Variants in DLGAP2 observed in about 807,000 individuals in gnomAD.
DLGAP2 encodes DLG associated protein 2.
In DLGAP2, 26 loss-of-function variants were observed where a neutral mutation model predicts 100.3. The observed-to-expected ratio is 0.26, with a 90% CI of 0.19 to 0.36. The LOEUF (loss-of-function observed/expected upper bound fraction) is 0.36, where lower values mean the gene tolerates loss of function less well. Among genes scored for constraint, DLGAP2 ranks in the 10% least tolerant of loss-of-function variants. The probability of loss-of-function intolerance (pLI) is 1.00; values close to 1 mark genes in which losing one functional copy is unlikely to be tolerated. For synonymous variants in DLGAP2, 886 were observed against 630.1 expected, an observed-to-expected ratio of 1.41 and a Z score of -6.08; for missense variants, 1,858 against 1,453.2, an observed-to-expected ratio of 1.28 and a Z score of -4.53.
At chr8:1,484,631 C>A (rs1426105976) in intron 3 of DLGAP2, among the ~76,000 whole-genome samples, 1 of 152,242 alleles carries the variant, frequency 6.6e-6, no homozygotes, top group South Asian at 2.1e-4. Context: ...ACCCAACTTA[C>A]AAGCTGGACA....
chr8:832,346 G>A (rs1796798991), intron 1 of DLGAP2, among the ~76,000 whole-genome samples: 1 of 152,136 alleles, frequency 6.6e-6, no homozygotes, highest in African/African-American at 2.4e-5. Flanking sequence ...TATGGTTTTA[G>A]GTCTAACATT....
chr8:1,683,994 T>A (rs1270051274), intron 12 of DLGAP2, among the ~76,000 whole-genome samples: 33 of 116,116 alleles, frequency 2.8e-4, no homozygotes, highest in East Asian at 2.8e-3. Context: ...ATATACTTTT[T>A]TTTTTAAGAC....
intron 3 of DLGAP2, among the ~76,000 whole-genome samples, chr8:1,476,269 TA>T (rs1798926542): frequency 6.6e-6 from 1 of 152,230 alleles, no homozygotes; most frequent in South Asian, 2.1e-4. Context: ...ATCTGAATGA[TA>T]TTTTTTAATC....
intron 12 of DLGAP2, among the ~76,000 whole-genome samples, chr8:1,684,223 T>G (rs1218539049): frequency 6.6e-6 from 1 of 151,800 alleles, no homozygotes; most frequent in Non-Finnish European, 1.5e-5. Context: ...AACTTGATAC[T>G]TTTTGTGATT....
intron 3 of DLGAP2, among the ~76,000 whole-genome samples, chr8:1,477,710 G>A (rs570445689): frequency 3.3e-5 from 5 of 151,558 alleles, no homozygotes; most frequent in African/African-American, 7.3e-5. Flanking sequence ...ATTTTCTCAT[G>A]TTTAAACATA....
rs73536538 is a variant in DLGAP2 at position 1,483,015 on chromosome 8, A to G, written c.107-18351A>G. 6.4e-3 allele frequency among the ~76,000 whole-genome samples: 974 copies of G among 152,250 alleles called. 16 individuals are homozygous for G. Among genetic ancestry groups the G allele is most frequent in the African/African-American group, 0.022 (933 of 41,562 alleles). On this transcript the variant is annotated intron_variant, in intron 3 of 14. Coordinates refer to ENST00000637795, the MANE Select transcript of DLGAP2 (RefSeq NM_001346810.2). ...TGGCGCACCTGTTCTTCCCTCCGGCACTGCCTCCTCCTTGGAGCTGGCTTG... is the reference window on the plus strand; with the variant it reads ...TGGCGCACCTGTTCTTCCCTCCGGCGCTGCCTCCTCCTTGGAGCTGGCTTG...
At chr8:1,692,874 A>G (rs932250300) in intron 13 of DLGAP2, among the ~76,000 whole-genome samples, 1 of 149,446 alleles carries the variant, frequency 6.7e-6, no homozygotes, top group African/African-American at 2.4e-5. Flanking sequence ...ACATGTTAAT[A>G]TATACTTACA....
intron 3 of DLGAP2, among the ~76,000 whole-genome samples, chr8:1,316,021 C>G (rs7460154): frequency 4.3e-5 from 6 of 138,046 alleles, no homozygotes; most frequent in African/African-American, 1.5e-4. Context: ...CAACAGTGGT[C>G]TACACTCGAG....
intron 2 of DLGAP2, among the ~76,000 whole-genome samples, chr8:1,184,608 C>G (rs1189770974): frequency 6.6e-6 from 1 of 152,168 alleles, no homozygotes; most frequent in Middle Eastern, 3.2e-3. Context: ...ATTTCCCAGG[C>G]AGATGCCGAG....
In DLGAP2 at chr8:1,158,738, C is replaced by T. The variant is rs964296770; in HGVS notation, c.74-100113C>T. On this transcript the variant is annotated intron_variant, in intron 2 of 14. Transcript: ENST00000637795. ...CTGCGCACCCAGAGCCACGCGGGTC[C>T]TGGTGGCTCCGAGTCACACAGACCC... Among the ~76,000 whole-genome samples the T allele has an allele frequency of 3.3e-5, 5 of 152,230 alleles. No homozygotes were observed. In the East Asian group the frequency reaches 7.7e-4, roughly 23 times the overall value.
At chr8:1,476,129 C>G (rs1798923620) in intron 3 of DLGAP2, among the ~76,000 whole-genome samples, 1 of 152,212 alleles carries the variant, frequency 6.6e-6, no homozygotes, top group Non-Finnish European at 1.5e-5. Flanking sequence ...TGAGCCCGTT[C>G]ACTCTGTGAA....
At chr8:1,523,982 T>A (rs1352279996) in intron 4 of DLGAP2, among the ~76,000 whole-genome samples, 1 of 152,218 alleles carries the variant, frequency 6.6e-6, no homozygotes, top group Non-Finnish European at 1.5e-5. Flanking sequence ...GTTTGGAGAC[T>A]CCGCCGCAAG....
At chr8:1,322,845 T>G (rs1800937602) in intron 3 of DLGAP2, among the ~76,000 whole-genome samples, 1 of 152,212 alleles carries the variant, frequency 6.6e-6, no homozygotes, top group South Asian at 2.1e-4. Context: ...TATTTGTAGG[T>G]TTCTATGATG....
chr8:897,984 G>A (rs1488702035), intron 1 of DLGAP2, among the ~76,000 whole-genome samples: 1 of 152,132 alleles, frequency 6.6e-6, no homozygotes, highest in Non-Finnish European at 1.5e-5. Flanking sequence ...CCTGGATCCT[G>A]CCTGGCACCC....
chr8:1,511,238 T>C (rs1800150052), intron 4 of DLGAP2, among the ~76,000 whole-genome samples: 1 of 151,258 alleles, frequency 6.6e-6, no homozygotes, highest in Non-Finnish European at 1.5e-5. Context: ...TAGATGACCA[T>C]CTTCCATGGA....
chr8:1,573,192 A>ACT, intron 6 of DLGAP2, among the ~76,000 whole-genome samples: 1 of 135,168 alleles, frequency 7.4e-6, no homozygotes, highest in Non-Finnish European at 1.5e-5. Flanking sequence ...GAGAGGGTGA[A>ACT]GTGTCAGGGG....
intron 3 of DLGAP2, among the ~76,000 whole-genome samples, chr8:1,441,318 A>G (rs1452796058): frequency 1.3e-5 from 2 of 152,186 alleles, no homozygotes; most frequent in Admixed American, 6.5e-5. Flanking sequence ...TGCTTCTTAA[A>G]TAATAGAAAT....
chr8:921,037 A>G lies in DLGAP2; in HGVS notation c.73+13071A>G, dbSNP rs1584890912. Among the ~76,000 whole-genome samples, 3 of 152,260 alleles carry G rather than the reference A, an allele frequency of 2.0e-5. No individual in the cohort carries two copies. The East Asian group carries it at 5.8e-4, about 29-fold the overall frequency. The stretch of plus-strand genomic sequence containing the variant: ...CATCTTCCACATCACAGGTTTACCT[A>G]AGTGTACATTTCACTCTTTGTAACT... On this transcript the variant is annotated intron_variant, in intron 2 of 14. Coordinates refer to ENST00000637795, the MANE Select transcript of DLGAP2 (RefSeq NM_001346810.2).
chr8:1,691,553 G>A lies in DLGAP2; in HGVS notation c.2723G>A (p.Ser908Asn), dbSNP rs776851644. The A allele has an allele frequency of 6.2e-7, 1 of 1,614,054 alleles. No individual in the cohort carries two copies. Among genetic ancestry groups the A allele is most frequent in the Non-Finnish European group, 8.5e-7 (1 of 1,179,966 alleles). ...TAAACAGTTCTCGGTAAAATCAGGA[G>A]TGCTGTTGGGAGTGCCCAGCTTCTC... is the stretch of plus-strand genomic sequence containing the variant. ...LSEEILGKIR[S>N]AVGSAQLLMS... The change falls in exon 13 of 15, where the codon AGT becomes AAT. Residue 908 changes from serine (S) to asparagine (N), a missense_variant. Coordinates refer to ENST00000637795, the MANE Select transcript of DLGAP2 (RefSeq NM_001346810.2).
Sources: gnomAD v4.1 joint callset for allele counts (sites outside exome capture counted in the v4.1 genomes callset) on GRCh38, gnomAD v4.1.1 for gene constraint, MANE v1.5 for transcripts, NCBI Gene and HGNC (gene_info 2026-07-23, HGNC 2026-07-21) for gene names.